Variants in STPG2 observed in about 807,000 individuals in gnomAD.
STPG2 encodes the protein sperm tail PG-rich repeat containing 2.
STPG2 carries 56 observed loss-of-function variants against 54.2 expected under a neutral mutation model. The ratio of observed to expected loss-of-function variants is 1.03; its 90% CI spans 0.83 to 1.29. STPG2 has a LOEUF of 1.29. Among genes scored for constraint, STPG2 ranks in the 50% most tolerant of loss-of-function variants. The pLI, the probability that STPG2 is intolerant of heterozygous loss-of-function variation, is 0.00. For synonymous variants in STPG2, 200 were observed against 181.8 expected (o/e 1.10, Z -0.81); for missense variants, 596 against 544.9 (o/e 1.09, Z -0.93).
At chr4:97,948,034 T>A (rs1733306100) in intron 7 of STPG2, among the ~76,000 whole-genome samples, 1 of 126,100 alleles carries the variant, frequency 7.9e-6, no homozygotes, top group South Asian at 2.6e-4. Flanking sequence ...CATCTGATCC[T>A]GGGCTTTTTT....
At chr4:97,567,811 T>G (rs1287293899) in intron 10 of STPG2, among the ~76,000 whole-genome samples, 1 of 152,256 alleles carries the variant, frequency 6.6e-6, no homozygotes, top group African/African-American at 2.4e-5. Context: ...GTATAGCATA[T>G]GTACATTATA....
intron 8 of STPG2, among the ~76,000 whole-genome samples, chr4:97,852,769 T>C (rs542400222): frequency 6.6e-6 from 1 of 151,954 alleles, no homozygotes; most frequent in South Asian, 2.1e-4. Context: ...AGACAAGGTA[T>C]GGAACAAGAA....
chr4:97,468,394 A>C (rs1729839760), intron 4 of STPG2, among the ~76,000 whole-genome samples: 1 of 152,030 alleles, frequency 6.6e-6, no homozygotes, highest in African/African-American at 2.4e-5. Flanking sequence ...GAAGAAAGGA[A>C]AACTCTAGTG....
At chr4:97,501,587 A>G (rs958302767) in intron 4 of STPG2, among the ~76,000 whole-genome samples, 5 of 151,596 alleles carry the variant, frequency 3.3e-5, no homozygotes, top group Non-Finnish European at 7.4e-5. Context: ...TCCTAGCTAC[A>G]TTGAGACTGA....
chr4:97,565,350 A>T lies in STPG2; in HGVS notation c.1321-6233T>A, dbSNP rs1279457416. 3.3e-5 allele frequency among the ~76,000 whole-genome samples: 5 copies of T among 152,096 alleles called. No homozygotes were observed. In the East Asian group the frequency reaches 9.7e-4, roughly 29 times the overall value. Reference sequence around the variant, plus strand: ...ATACATTCATCGAAATTTTTTTCAAAGTTTTCAACTTCTTTTCCCTTGGTT... The same window carrying T: ...ATACATTCATCGAAATTTTTTTCAATGTTTTCAACTTCTTTTCCCTTGGTT... On this transcript the variant is annotated intron_variant, in intron 10 of 10. Coordinates refer to ENST00000295268, the MANE Select transcript of STPG2 (RefSeq NM_174952.3).
intron 8 of STPG2, among the ~76,000 whole-genome samples, chr4:97,861,525 C>A (rs2149141387): frequency 6.6e-6 from 1 of 152,196 alleles, no homozygotes; most frequent in Middle Eastern, 3.4e-3. Flanking sequence ...GAAAAGAAAT[C>A]AGTATATCAA....
chr4:97,970,303 A>T (rs963170868), intron 7 of STPG2, among the ~76,000 whole-genome samples: 5 of 152,232 alleles, frequency 3.3e-5, no homozygotes, highest in Admixed American at 3.3e-4. Flanking sequence ...AATTGGAAAA[A>T]AACTATTTTA....
At chr4:98,101,864 T>TGCCCCCC in intron 5 of STPG2, among the ~76,000 whole-genome samples, 1 of 144,002 alleles carries the variant, frequency 6.9e-6, no homozygotes, top group Non-Finnish European at 1.5e-5. Context: ...TTTCATTATC[T>TGCCCCCC]TCCCCCTCCC....
At chr4:97,556,065 G>C (rs1186622793), downstream of STPG2, among the ~76,000 whole-genome samples, 2 of 152,072 alleles carry the variant, frequency 1.3e-5, no homozygotes, top group Non-Finnish European at 2.9e-5. Flanking sequence ...TAAAACCCCT[G>C]AAATGAATGG....
intron 4 of STPG2, among the ~76,000 whole-genome samples, chr4:97,448,422 C>T (rs1358639028): frequency 1.3e-5 from 2 of 151,910 alleles, no homozygotes; most frequent in Admixed American, 6.6e-5. Flanking sequence ...AATTGTAATC[C>T]CCACATGTCA....
chr4:98,109,836 A>C (rs1222851421), intron 3 of STPG2, among the ~76,000 whole-genome samples: 1 of 152,148 alleles, frequency 6.6e-6, no homozygotes, highest in African/African-American at 2.4e-5. Context: ...TAAAGACAGG[A>C]TCAGTCTTTT....
At chr4:97,784,826 T>TA (rs1232455454) in intron 9 of STPG2, among the ~76,000 whole-genome samples, 1 of 152,064 alleles carries the variant, frequency 6.6e-6, no homozygotes, top group Non-Finnish European at 1.5e-5. Context: ...GCATGAATTC[T>TA]TGTTAGATGT....
At chr4:97,585,479 G>A (rs1732974180) in intron 10 of STPG2, among the ~76,000 whole-genome samples, 1 of 151,866 alleles carries the variant, frequency 6.6e-6, no homozygotes, top group African/African-American at 2.4e-5. Context: ...GATCCTGTGG[G>A]TCTAACACTC....
At position 97,616,048 on chromosome 4, in the gene STPG2, ATACATAT is replaced by A. The variant is rs1261726751; in HGVS notation, c.1321-56938_1321-56932del. The stretch of plus-strand genomic sequence containing the variant: ...CAAGACTCTGTCTCAAAAAAAAAAA[ATACATAT>A]AAATATATATATATATATATATATA... On this transcript the variant is annotated intron_variant, in intron 10 of 10. Transcript: ENST00000295268. Among the ~76,000 whole-genome samples the A allele has an allele frequency of 5.5e-3, 502 of 91,856 alleles. 13 individuals carry two copies. The highest frequency in any genetic ancestry group is 0.02 in the African/African-American group (470 of 24,082). 60.3% of individuals were successfully genotyped at this position (91,856 alleles called of 152,430 possible).
At position 97,559,054 on chromosome 4, in the gene STPG2, T is replaced by G; in HGVS notation, c.*4A>C. 1 of 1,598,802 alleles carries G rather than the reference T, an allele frequency of 6.3e-7. No individual in the cohort carries two copies. Among genetic ancestry groups the G allele is most frequent in the Non-Finnish European group, 8.5e-7 (1 of 1,174,076 alleles). On this transcript the variant is annotated 3_prime_UTR_variant, in exon 11 of 11. Coordinates refer to ENST00000295268, the MANE Select transcript of STPG2 (RefSeq NM_174952.3). ...GTTTTTTAAGTTTTTGCCATAAATT[T>G]ATGTCACATTATATCAGCAGCCATT...
chr4:98,135,332 GTTTCT>G (rs1740107765), intron 1 of STPG2, among the ~76,000 whole-genome samples: 1 of 151,622 alleles, frequency 6.6e-6, no homozygotes, highest in African/African-American at 2.4e-5. Context: ...AAAATAATGT[GTTTCT>G]TTTGAGGCCC....
At chr4:97,897,876 G>C (rs1265266268) in intron 8 of STPG2, among the ~76,000 whole-genome samples, 1 of 152,048 alleles carries the variant, frequency 6.6e-6, no homozygotes, top group African/African-American at 2.4e-5. Context: ...TCTGTTGATA[G>C]CCTCCTTTGC....
chr4:97,719,524 G>A (rs1260432325), intron 9 of STPG2, among the ~76,000 whole-genome samples: 1 of 151,916 alleles, frequency 6.6e-6, no homozygotes, highest in African/African-American at 2.4e-5. Context: ...CTACAATTTA[G>A]TGTGTTGTTG....
At chr4:97,740,370 A>G (rs1725182211) in intron 9 of STPG2, among the ~76,000 whole-genome samples, 1 of 152,082 alleles carries the variant, frequency 6.6e-6, no homozygotes, top group African/African-American at 2.4e-5. Flanking sequence ...CCAGGGAATT[A>G]GGCAGGAGAA....
Sources: gnomAD v4.1 joint callset for allele counts (sites outside exome capture counted in the v4.1 genomes callset) on GRCh38, gnomAD v4.1.1 for gene constraint, MANE v1.5 for transcripts, NCBI Gene and HGNC (gene_info 2026-07-23, HGNC 2026-07-21) for gene names.